The following GPNMB variants were observed in gnomAD, a reference collection of about 807,000 sequenced individuals.
GPNMB encodes transmembrane glycoprotein NMB.
In GPNMB, 71 loss-of-function variants were observed where a neutral mutation model predicts 57.3. The observed-to-expected ratio is 1.24, with a 90% CI of 1.02 to 1.51. GPNMB has a LOEUF of 1.51. Ranked by LOEUF, GPNMB falls within the 40% of genes most tolerant of loss-of-function variation. GPNMB has a pLI of 0.00. For synonymous variants in GPNMB, 253 were observed against 263.2 expected (o/e 0.96, Z 0.38); for missense variants, 677 against 691.9 (o/e 0.98, Z 0.24).
intron 6 of GPNMB, among the ~76,000 whole-genome samples, chr7:23,263,911 A>AGGG (rs1347510347): frequency 6.6e-6 from 1 of 152,186 alleles, no homozygotes. Context: ...CTTCTTAATA[A>AGGG]TGCACAGCCG....
At chr7:23,257,314 A>G in intron 4 of GPNMB, 3 of 589,268 alleles carry the variant, frequency 5.1e-6, no homozygotes, top group Non-Finnish European at 9.0e-6. Flanking sequence ...CAAAAAAACA[A>G]AACCACTTAA....
chr7:23,265,335 A>G (rs1456783569), intron 6 of GPNMB, among the ~76,000 whole-genome samples: 1 of 152,176 alleles, frequency 6.6e-6, no homozygotes, highest in African/African-American at 2.4e-5. Context: ...CTTCCCCAAG[A>G]CTGAGTCTAC....
intron 6 of GPNMB, among the ~76,000 whole-genome samples, chr7:23,264,068 T>G (rs1452817712): frequency 6.6e-6 from 1 of 151,700 alleles, no homozygotes; most frequent in Non-Finnish European, 1.5e-5. Flanking sequence ...AGTGCTATTA[T>G]TTGTTTTTCA....
intron 3 of GPNMB, 78 bp downstream of exon 3, chr7:23,254,390 C>A (rs534629080): frequency 2.5e-6 from 3 of 1,176,774 alleles, no homozygotes; most frequent in South Asian, 1.4e-5. Context: ...TCTGTAAGTG[C>A]CAGATGCTGA....
chr7:23,266,238 TG>T, intron 6 of GPNMB: 1 of 389,734 alleles, frequency 2.6e-6, no homozygotes, highest in Non-Finnish European at 4.7e-6. Context: ...CATGAGCCAC[TG>T]CACCCGGCCA....
At position 23,254,208 on chromosome 7, in the gene GPNMB, C is replaced by T. The variant is rs533327850; in HGVS notation, c.263C>T (p.Ala88Val). The T allele has an allele frequency of 1.2e-6, 2 of 1,614,060 alleles. No individual in the cohort carries two copies. Among genetic ancestry groups the T allele is most frequent in the African/African-American group, 1.3e-5 (1 of 75,032 alleles). ...VQAVLTSDSP[A>V]LVGSNITFAV... Reference sequence around the variant, plus strand: ...GCGGTCCTGACCAGTGACTCACCAGCCCTCGTGGGCTCAAATATAACATTT... The same window carrying T: ...GCGGTCCTGACCAGTGACTCACCAGTCCTCGTGGGCTCAAATATAACATTT... Residue 88 changes from alanine (A) to valine (V), a missense_variant, in exon 3 of 11, where the codon GCC (alanine) becomes GTC (valine). Physicochemically the swap from Ala to Val is moderately conservative, Grantham distance 64. Transcript: ENST00000258733.
intron 6 of GPNMB, among the ~76,000 whole-genome samples, chr7:23,265,375 A>G (rs367809227): frequency 6.6e-6 from 1 of 152,174 alleles, no homozygotes; most frequent in Non-Finnish European, 1.5e-5. Context: ...TAAAAAGAAG[A>G]TTGTATTTTC....
chr7:23,260,285 T>C (rs1051862385), intron 5 of GPNMB, 147 bp downstream of exon 5: 1 of 1,039,732 alleles, frequency 9.6e-7, no homozygotes, highest in African/African-American at 1.6e-5. Flanking sequence ...TTGTAGTTCA[T>C]CTGTTTTCCA....
chr7:23,265,725 G>C (rs1475174205), intron 6 of GPNMB, among the ~76,000 whole-genome samples: 1 of 151,756 alleles, frequency 6.6e-6, no homozygotes, highest in Non-Finnish European at 1.5e-5. Context: ...TCTCATTTAA[G>C]TTTCATAGTT....
rs752697559 is a variant in GPNMB at position 23,260,426 on chromosome 7, C to A, written c.701-30C>A. The A allele has an allele frequency of 3.3e-6, 5 of 1,536,046 alleles. No individual in the cohort carries two copies. In the Admixed American group the frequency reaches 7.1e-5, roughly 22 times the overall value. ...ACTTACAATCAAGCAATCATGCATTCTTTATTTCTTTGGGGGATGTATCTT... is the reference window on the plus strand; with the variant it reads ...ACTTACAATCAAGCAATCATGCATTATTTATTTCTTTGGGGGATGTATCTT... On this transcript the variant is annotated intron_variant, in intron 5 of 10. Transcript: ENST00000258733.
chr7:23,252,052 C>T (rs1782673777), intron 1 of GPNMB, among the ~76,000 whole-genome samples: 1 of 152,064 alleles, frequency 6.6e-6, no homozygotes, highest in Non-Finnish European at 1.5e-5. Flanking sequence ...TTTAAAAGAA[C>T]TGTAATATTA....
chr7:23,269,609 C>A (rs1489649991), intron 8 of GPNMB, among the ~76,000 whole-genome samples: 1 of 152,218 alleles, frequency 6.6e-6, no homozygotes, highest in Non-Finnish European at 1.5e-5. Context: ...ATATGTCTGC[C>A]TAACACCCAA....
chr7:23,260,748 A>G lies in GPNMB; in HGVS notation c.993A>G (p.Arg331=). The part of the protein sequence containing the change: ...GPCPPPPPPP[R]PSKPTPSLGP... ...GTCCGCCACCGCCACCACCACCCAG[A>G]CCTTCAAAACCCACCCCTTCTTTAG... Residue 331 remains arginine (R), a synonymous_variant, in exon 6 of 11, where the codon AGA becomes AGG. Transcript: ENST00000258733. The G allele has an allele frequency of 1.9e-6, 3 of 1,558,916 alleles. No individual in the cohort carries two copies. The highest frequency in any genetic ancestry group is 2.6e-6 in the Non-Finnish European group (3 of 1,152,610).
intron 1 of GPNMB, chr7:23,247,665 T>C (rs1351467414): frequency 6.6e-6 from 1 of 152,034 alleles, no homozygotes; most frequent in Admixed American, 6.6e-5. Flanking sequence ...ACGGGACGGG[T>C]GGGAAGCGGC....
intron 9 of GPNMB, among the ~76,000 whole-genome samples, chr7:23,272,107 AG>A (rs1783221689): frequency 6.6e-6 from 1 of 152,324 alleles, no homozygotes; most frequent in South Asian, 2.1e-4. Flanking sequence ...ACTCGGATGC[AG>A]TCACCATCAG....
intron 3 of GPNMB, among the ~76,000 whole-genome samples, chr7:23,255,792 G>A (rs578216071): frequency 1.4e-4 from 21 of 152,214 alleles, no homozygotes; most frequent in African/African-American, 2.2e-4. Context: ...TGGGCTATGC[G>A]TGTTATTTTG....
Position 23,270,139 on chromosome 7 carries a change from G to C in GPNMB, c.1393G>C (p.Ala465Pro). ...NLTLGDDTSL[A>P]LTSTLISVPD... ...CACCCTGGGGGATGACACAAGCCTG[G>C]CTCTCACGAGCACCCTGATTTCTGT... Residue 465 changes from alanine (A) to proline (P), a missense_variant, in exon 9 of 11, where the codon GCT becomes CCT. Ala to Pro is a conservative substitution (Grantham distance 27). Transcript: ENST00000258733. 3.7e-6 allele frequency: 6 copies of C among 1,614,092 alleles called. No homozygotes were observed. Among genetic ancestry groups the C allele is most frequent in the Non-Finnish European group, 5.1e-6 (6 of 1,179,994 alleles).
chr7:23,254,759 T>C (rs1032547421), intron 3 of GPNMB, among the ~76,000 whole-genome samples: 1 of 152,218 alleles, frequency 6.6e-6, no homozygotes, highest in Non-Finnish European at 1.5e-5. Flanking sequence ...AAAATGTGTA[T>C]ATTTTGGTTT....
At chr7:23,261,311 A>C (rs1482475814) in intron 6 of GPNMB, among the ~76,000 whole-genome samples, 2 of 152,240 alleles carry the variant, frequency 1.3e-5, no homozygotes, top group Non-Finnish European at 2.9e-5. Flanking sequence ...GTGACTCCTG[A>C]CATTAAAATT....
Sources: gnomAD v4.1 joint callset for allele counts (sites outside exome capture counted in the v4.1 genomes callset) on GRCh38, gnomAD v4.1.1 for gene constraint, MANE v1.5 for transcripts, NCBI Gene and HGNC (gene_info 2026-07-23, HGNC 2026-07-21) for gene names.